CELF4: variants seen among roughly 807,000 people sequenced by gnomAD.
CELF4 encodes the protein CUGBP Elav-like family member 4.
Under a neutral mutation model 59.9 loss-of-function variants are expected in CELF4, and 18 were observed. The ratio of observed to expected loss-of-function variants is 0.30; its 90% CI spans 0.21 to 0.45. The LOEUF is 0.45. Ranked by LOEUF, CELF4 falls within the 20% of genes least tolerant of loss-of-function variation. The pLI is 1.00. For synonymous variants in CELF4, 261 were observed against 267.1 expected (o/e 0.98, Z 0.22); for missense variants, 456 against 689.0 (o/e 0.66, Z 3.79).
intron 2 of CELF4, among the ~76,000 whole-genome samples, chr18:37,448,176 G>C (rs1395884685): frequency 6.6e-6 from 1 of 152,234 alleles, no homozygotes; most frequent in East Asian, 1.9e-4. Flanking sequence ...GCAGGAATTT[G>C]CTTCCCGGTT....
At chr18:37,329,852 T>C (rs950411432) in intron 2 of CELF4, among the ~76,000 whole-genome samples, 10 of 152,146 alleles carry the variant, frequency 6.6e-5, no homozygotes, top group African/African-American at 9.6e-5. Context: ...TGTGGCCACA[T>C]GGGGTGGCCT....
At chr18:37,350,482 T>C (rs968138230) in intron 2 of CELF4, among the ~76,000 whole-genome samples, 1 of 152,154 alleles carries the variant, frequency 6.6e-6, no homozygotes, top group Non-Finnish European at 1.5e-5. Flanking sequence ...TTGCTCTGTC[T>C]ACCAGTTTCT....
At chr18:37,540,825 G>A (rs1347984742) in intron 1 of CELF4, among the ~76,000 whole-genome samples, 1 of 152,230 alleles carries the variant, frequency 6.6e-6, no homozygotes, top group African/African-American at 2.4e-5. Context: ...GCTAAGTTCT[G>A]TGAGATGGTG....
chr18:37,297,829 T>A (rs138819248), intron 3 of CELF4, among the ~76,000 whole-genome samples: 1 of 152,222 alleles, frequency 6.6e-6, no homozygotes. Context: ...CTCGTTGTAA[T>A]CTCTGTGAGA....
At chr18:37,509,313 G>A (rs1452545807) in intron 1 of CELF4, among the ~76,000 whole-genome samples, 3 of 152,204 alleles carry the variant, frequency 2.0e-5, no homozygotes, top group South Asian at 4.1e-4. Flanking sequence ...AAAGCACCAC[G>A]AAGCTAGGAC....
chr18:37,485,830 G>A (rs2099880152), intron 1 of CELF4: 2 of 361,620 alleles, frequency 5.5e-6, no homozygotes, highest in Non-Finnish European at 9.9e-6. Context: ...TGCTCCCTCC[G>A]CGGAGTCTCC....
chr18:37,373,724 G>A (rs1271780920), intron 2 of CELF4, among the ~76,000 whole-genome samples: 1 of 152,184 alleles, frequency 6.6e-6, no homozygotes, highest in African/African-American at 2.4e-5. Context: ...GGAGGGGCTG[G>A]AAAGCAGCCT....
intron 3 of CELF4, among the ~76,000 whole-genome samples, chr18:37,318,151 C>A (rs2096933060): frequency 6.6e-6 from 1 of 152,180 alleles, no homozygotes; most frequent in African/African-American, 2.4e-5. Context: ...GACTCGTAAC[C>A]TGGTTCACTG....
chr18:37,351,970 A>G (rs781692883), intron 2 of CELF4, among the ~76,000 whole-genome samples: 12 of 152,166 alleles, frequency 7.9e-5, no homozygotes, highest in Non-Finnish European at 1.5e-4. Context: ...AAGCAGCTCT[A>G]GGCAGCCAAG....
At chr18:37,408,462 T>G (rs1362854310) in intron 2 of CELF4, among the ~76,000 whole-genome samples, 1 of 135,766 alleles carries the variant, frequency 7.4e-6, no homozygotes, top group Non-Finnish European at 1.6e-5. Context: ...CAAGAAGGTT[T>G]TTTTTTTTTT....
intron 2 of CELF4, among the ~76,000 whole-genome samples, chr18:37,405,163 A>C (rs1404691241): frequency 6.6e-6 from 1 of 151,908 alleles, no homozygotes; most frequent in Non-Finnish European, 1.5e-5. Flanking sequence ...TTTTCCAGAC[A>C]CTTCTTCCAC....
At chr18:37,413,355 G>A (rs1432206264) in intron 2 of CELF4, among the ~76,000 whole-genome samples, 2 of 151,812 alleles carry the variant, frequency 1.3e-5, no homozygotes, top group Non-Finnish European at 2.9e-5. Flanking sequence ...TGTGTGTGTA[G>A]GGGGTGGTGG....
chr18:37,474,999 A>G (rs2099844735), intron 2 of CELF4, among the ~76,000 whole-genome samples: 1 of 152,240 alleles, frequency 6.6e-6, no homozygotes, highest in Non-Finnish European at 1.5e-5. Context: ...AAATTGGTGC[A>G]TGAATACCCC....
At chr18:37,442,068 G>T (rs1056687337) in intron 2 of CELF4, among the ~76,000 whole-genome samples, 1 of 152,204 alleles carries the variant, frequency 6.6e-6, no homozygotes, top group Non-Finnish European at 1.5e-5. Context: ...TTTATTGGGT[G>T]CCCCACTGGC....
chr18:37,331,284 C>G (rs776811842), intron 2 of CELF4, among the ~76,000 whole-genome samples: 1 of 152,218 alleles, frequency 6.6e-6, no homozygotes, highest in African/African-American at 2.4e-5. Flanking sequence ...TTTTTCACCT[C>G]TCCTCTCATA....
At chr18:37,509,634 G>A (rs185462848) in intron 1 of CELF4, among the ~76,000 whole-genome samples, 74 of 152,314 alleles carry the variant, frequency 4.9e-4, no homozygotes, top group Non-Finnish European at 9.1e-4. Context: ...GGCATAAGCC[G>A]TATGATCTAG....
chr18:37,386,127 A>G (rs951785285), intron 2 of CELF4, among the ~76,000 whole-genome samples: 1 of 152,206 alleles, frequency 6.6e-6, no homozygotes, highest in African/African-American at 2.4e-5. Flanking sequence ...CTCTTCTGCC[A>G]CCTTAATTTG....
At chr18:37,302,395 T>C (rs552743949) in intron 3 of CELF4, among the ~76,000 whole-genome samples, 24 of 152,318 alleles carry the variant, frequency 1.6e-4, no homozygotes, top group African/African-American at 3.8e-4. Flanking sequence ...CCCCTGATCA[T>C]TGGGGCAGGC....
At chr18:37,416,322 A>G (rs534248525) in intron 2 of CELF4, among the ~76,000 whole-genome samples, 1 of 152,228 alleles carries the variant, frequency 6.6e-6, no homozygotes, top group South Asian at 2.1e-4. Context: ...CCCTTCTTTG[A>G]CAACCCATGC....
Sources: gnomAD v4.1 joint callset for allele counts (sites outside exome capture counted in the v4.1 genomes callset) on GRCh38, gnomAD v4.1.1 for gene constraint, MANE v1.5 for transcripts, NCBI Gene and HGNC (gene_info 2026-07-23, HGNC 2026-07-21) for gene names.